The following EFCAB11 variants were observed in gnomAD, a reference collection of about 807,000 sequenced individuals.
EFCAB11 encodes the protein EF-hand calcium binding domain 11.
EFCAB11 carries 14 observed loss-of-function variants against 23.0 expected under a neutral mutation model. The ratio of observed to expected loss-of-function variants is 0.61; its 90% CI spans 0.40 to 0.95. The LOEUF (loss-of-function observed/expected upper bound fraction) is 0.95. EFCAB11 is among the 40% of genes least tolerant of loss of function. The pLI is 0.00. For missense variants in EFCAB11, 198 were observed against 195.8 expected (o/e 1.01, Z -0.07); for synonymous variants, 65 against 66.6 (o/e 0.98, Z 0.11).
At chr14:89,913,084 AGCAGGCAAG>A (rs1889731313) in intron 5 of EFCAB11, among the ~76,000 whole-genome samples, 1 of 152,216 alleles carries the variant, frequency 6.6e-6, no homozygotes, top group Non-Finnish European at 1.5e-5. Context: ...AGAAACGAGA[AGCAGGCAAG>A]GCAGGCGTGA....
chr14:89,948,277 C>T (rs528925663), intron 3 of EFCAB11, among the ~76,000 whole-genome samples: 13 of 152,218 alleles, frequency 8.5e-5, no homozygotes, highest in Admixed American at 8.5e-4. Flanking sequence ...ATCAAAACTA[C>T]AATAATATCA....
At chr14:89,905,827 G>A (rs1207744374) in intron 5 of EFCAB11, among the ~76,000 whole-genome samples, 1 of 152,148 alleles carries the variant, frequency 6.6e-6, no homozygotes, top group Non-Finnish European at 1.5e-5. Flanking sequence ...GAAAGACACT[G>A]AATGAGGAAA....
chr14:89,953,890 T>G lies in EFCAB11; in HGVS notation c.171+16A>C, dbSNP rs772652702. On this transcript the variant is annotated intron_variant, in intron 2 of 5. Coordinates refer to ENST00000316738, the MANE Select transcript of EFCAB11 (RefSeq NM_145231.4). ...TGATCGTCTACCCCATCCCCAAATA[T>G]ATAAGAAAGCTCTACCTTGGAGGGC... 1.5e-5 allele frequency: 24 copies of G among 1,607,314 alleles called. No homozygotes were observed.
intron 5 of EFCAB11, among the ~76,000 whole-genome samples, chr14:89,805,608 C>G (rs12893102): frequency 0.36 from 55,176 of 151,948 alleles, 10,935 homozygotes; most frequent in Middle Eastern, 0.48. Flanking sequence ...TGTTAATTAC[C>G]AGCTTGAGAC....
rs1891302124 is a variant in EFCAB11, at chr14:89,953,894, AGAAAGCTCTACCT to A, written c.170_171+11del. 1 of 1,609,238 alleles carries A rather than the reference AGAAAGCTCTACCT, an allele frequency of 6.2e-7. No homozygotes were observed. The highest frequency in any genetic ancestry group is 2.2e-5 in the East Asian group (1 of 44,842). ...CGTCTACCCCATCCCCAAATATATAAGAAAGCTCTACCTTGGAGGGCTTGTACCCAAACAGCAT... is the reference window on the plus strand; with the variant it reads ...CGTCTACCCCATCCCCAAATATATAATGGAGGGCTTGTACCCAAACAGCAT... On this transcript the variant is annotated splice_donor_variant and splice_donor_5th_base_variant and coding_sequence_variant and intron_variant, in exon 2 of 6. Transcript: ENST00000316738. LOFTEE classifies it high-confidence loss of function.
At chr14:89,798,678 A>G (rs956509466) in intron 5 of EFCAB11, among the ~76,000 whole-genome samples, 7 of 152,200 alleles carry the variant, frequency 4.6e-5, no homozygotes, top group Non-Finnish European at 1.0e-4. Flanking sequence ...TTCTGATAAT[A>G]TTTTGTGTGT....
intron 5 of EFCAB11, among the ~76,000 whole-genome samples, chr14:89,861,189 C>T (rs141054780): frequency 2.6e-5 from 4 of 152,314 alleles, no homozygotes; most frequent in Non-Finnish European, 4.4e-5. Context: ...CTGCCTATTA[C>T]ACTTCTCTTT....
At chr14:89,915,170 C>T (rs771191867) in intron 5 of EFCAB11, among the ~76,000 whole-genome samples, 6 of 152,204 alleles carry the variant, frequency 3.9e-5, no homozygotes, top group Non-Finnish European at 7.3e-5. Context: ...GGCAAGCACA[C>T]TAAAGGCTAT....
intron 2 of EFCAB11, among the ~76,000 whole-genome samples, chr14:89,951,482 T>C (rs558097468): frequency 6.6e-6 from 1 of 152,242 alleles, no homozygotes; most frequent in South Asian, 2.1e-4. Context: ...CTTCTCTTTC[T>C]TGGTATCTAT....
chr14:89,797,352 C>T (rs1248207992), intron 5 of EFCAB11, 28 bp from the exon 6 acceptor site: 15 of 1,603,696 alleles, frequency 9.4e-6, no homozygotes, highest in Non-Finnish European at 1.3e-5. Context: ...AAGTCATTTA[C>T]ACATTATTCT....
At chr14:89,937,239 G>C (rs765998648) in intron 3 of EFCAB11, among the ~76,000 whole-genome samples, 2 of 152,044 alleles carry the variant, frequency 1.3e-5, no homozygotes, top group Non-Finnish European at 2.9e-5. Flanking sequence ...CTGTAGGAAA[G>C]ATTCTTCTTT....
intron 2 of EFCAB11, chr14:89,952,333 TA>T: frequency 1.1e-6 from 1 of 927,332 alleles, no homozygotes; most frequent in Non-Finnish European, 1.3e-6. Context: ...TTCCTCATTC[TA>T]AAATTGAAAC....
At chr14:89,798,888 G>A (rs1885668262) in intron 5 of EFCAB11, among the ~76,000 whole-genome samples, 1 of 152,202 alleles carries the variant, frequency 6.6e-6, no homozygotes, top group East Asian at 1.9e-4. Context: ...TCCGGCTCAA[G>A]CAATCTTCCC....
intron 5 of EFCAB11, among the ~76,000 whole-genome samples, chr14:89,832,908 C>T (rs895461264): frequency 2.6e-5 from 4 of 152,106 alleles, no homozygotes; most frequent in African/African-American, 9.7e-5. Flanking sequence ...GAAATTCTGC[C>T]TTATACTGTC....
intron 2 of EFCAB11, among the ~76,000 whole-genome samples, chr14:89,950,564 A>G (rs35691803): frequency 0.018 from 2,667 of 152,314 alleles, 35 homozygotes; most frequent in Non-Finnish European, 0.028. Flanking sequence ...CATGAAAAAT[A>G]CAAAAAATTA....
At chr14:89,949,802 C>T (rs1200153538) in intron 3 of EFCAB11, among the ~76,000 whole-genome samples, 1 of 152,114 alleles carries the variant, frequency 6.6e-6, no homozygotes, top group Non-Finnish European at 1.5e-5. Flanking sequence ...GCTGGAGAAA[C>T]CTCACAATCA....
intron 5 of EFCAB11, among the ~76,000 whole-genome samples, chr14:89,874,476 G>C (rs906337395): frequency 6.6e-6 from 1 of 152,110 alleles, no homozygotes; most frequent in Non-Finnish European, 1.5e-5. Context: ...CCAGAAAATG[G>C]GTTTTTCTTT....
At chr14:89,831,429 T>C (rs939853348) in intron 5 of EFCAB11, among the ~76,000 whole-genome samples, 1 of 152,196 alleles carries the variant, frequency 6.6e-6, no homozygotes, top group African/African-American at 2.4e-5. Flanking sequence ...TTATGGCACA[T>C]TGATATGACT....
At chr14:89,853,729 C>A (rs1887665213) in intron 5 of EFCAB11, among the ~76,000 whole-genome samples, 2 of 152,200 alleles carry the variant, frequency 1.3e-5, no homozygotes, top group South Asian at 4.1e-4. Context: ...CATCCAATTT[C>A]TTTAAAAGAC....
Sources: allele counts gnomAD v4.1 joint callset (sites outside exome capture counted in the v4.1 genomes callset), GRCh38; gene constraint gnomAD v4.1.1; transcripts MANE v1.5; gene names NCBI Gene and HGNC (gene_info 2026-07-23, HGNC 2026-07-21).